Variants in ACYP1 observed in about 807,000 individuals in gnomAD.
ACYP1 encodes acylphosphatase-1.
Under a neutral mutation model 10.4 loss-of-function variants are expected in ACYP1, and 8 were observed. The observed-to-expected ratio is 0.77, with a 90% CI of 0.45 to 1.38. The LOEUF is 1.38. Ranked by LOEUF, ACYP1 falls within the 40% of genes most tolerant of loss-of-function variation. The pLI is 0.00. For missense variants in ACYP1, 93 were observed against 117.3 expected (o/e 0.79, Z 0.96); for synonymous variants, 38 against 40.8 (o/e 0.93, Z 0.26).
chr14:75,056,848 G>C (rs776708474), intron 2 of ACYP1, among the ~76,000 whole-genome samples: 1 of 151,472 alleles, frequency 6.6e-6, no homozygotes, highest in African/African-American at 2.4e-5. Flanking sequence ...CAACAAACTA[G>C]GAACAGAAGG....
chr14:75,064,074 T>A, upstream of ACYP1: 1 of 978,220 alleles, frequency 1.0e-6, no homozygotes, highest in Non-Finnish European at 1.2e-6. Context: ...TCGCTGTCGC[T>A]CATGCCCATC....
chr14:75,064,103 A>C, upstream of ACYP1: 1 of 923,356 alleles, frequency 1.1e-6, no homozygotes, highest in Non-Finnish European at 1.3e-6. Flanking sequence ...CTGACCAATC[A>C]GAGACGGCGC....
intron 2 of ACYP1, among the ~76,000 whole-genome samples, chr14:75,056,293 A>G (rs1892876095): frequency 6.6e-6 from 1 of 151,572 alleles, no homozygotes; most frequent in Non-Finnish European, 1.5e-5. Flanking sequence ...ACACTTCCCA[A>G]CACATTTTAT....
chr14:75,054,405 G>A (rs1892825928), intron 2 of ACYP1, among the ~76,000 whole-genome samples: 1 of 151,586 alleles, frequency 6.6e-6, no homozygotes, highest in African/African-American at 2.4e-5. Flanking sequence ...AATCATTACA[G>A]TGTCTTATCC....
exon 1 of ACYP1, chr14:75,069,397 TC>T (rs1893242784): frequency 1.1e-6 from 1 of 894,038 alleles, no homozygotes; most frequent in Admixed American, 3.8e-5. Context: ...TACAAGTTCT[TC>T]TTTGAAGGAG....
At chr14:75,058,144 G>T (rs987955039) in intron 2 of ACYP1, among the ~76,000 whole-genome samples, 1 of 150,560 alleles carries the variant, frequency 6.6e-6, no homozygotes, top group Non-Finnish European at 1.5e-5. Context: ...TGGGGTACCA[G>T]GCTCTTTTTA....
At chr14:75,061,007 CA>C in intron 2 of ACYP1, among the ~76,000 whole-genome samples, 1 of 152,070 alleles carries the variant, frequency 6.6e-6, no homozygotes, top group African/African-American at 2.4e-5. Flanking sequence ...GCAGAGGTTG[CA>C]GTGAGCCGAG....
rs558642702 is a variant in ACYP1 at position 75,056,427 on chromosome 14, T to C, written c.85-2768A>G. 7.8e-4 allele frequency among the ~76,000 whole-genome samples: 119 copies of C among 151,602 alleles called. 4 individuals carry two copies. Among genetic ancestry groups the C allele is most frequent in the African/African-American group, 2.6e-3 (107 of 41,016 alleles). ...TAACCTGGAAGGAATCTTTGAAACATGAATGTGAATTGTCAATACCTCTTT... is the reference window on the plus strand; with the variant it reads ...TAACCTGGAAGGAATCTTTGAAACACGAATGTGAATTGTCAATACCTCTTT... On this transcript the variant is annotated intron_variant, in intron 2 of 2. Transcript: ENST00000238618.
intron 2 of ACYP1, chr14:75,061,767 T>C: frequency 6.4e-7 from 1 of 1,569,370 alleles, no homozygotes; most frequent in Non-Finnish European, 8.7e-7. Flanking sequence ...CATTTCCTAT[T>C]TGAGTGTCAG....
intron 2 of ACYP1, among the ~76,000 whole-genome samples, chr14:75,056,178 T>C (rs147568735): frequency 6.6e-6 from 1 of 151,314 alleles, no homozygotes; most frequent in African/African-American, 2.4e-5. Context: ...GGGTAAATTC[T>C]ACCAAATGTT....
chr14:75,059,050 TA>T (rs1317468274), intron 2 of ACYP1, among the ~76,000 whole-genome samples: 19 of 149,208 alleles, frequency 1.3e-4, no homozygotes, highest in Non-Finnish European at 2.2e-4. Flanking sequence ...ATGCAAAAAT[TA>T]GTTGGGCGTG....
rs984656524 is a variant in ACYP1, at chr14:75,063,976, T to C, written c.-31A>G. On this transcript the variant is annotated 5_prime_UTR_variant, in exon 1 of 3. Transcript: ENST00000238618. Reference sequence around the variant, plus strand: ...CACCCTCCTTGTCTTCCCCACCGGCTGCCAGGATCACTCCGGGACCACCAC... The same window carrying C: ...CACCCTCCTTGTCTTCCCCACCGGCCGCCAGGATCACTCCGGGACCACCAC... 28 of 997,906 alleles carry C rather than the reference T, an allele frequency of 2.8e-5. No homozygotes were observed. The African/African-American group carries it at 4.5e-4, about 16-fold the overall frequency. The allele number at this position is 997,906 out of a possible 1,614,324, so 61.8% of individuals were successfully genotyped here. A position where few individuals can be genotyped will look rare whatever the true frequency, so the allele number is the denominator to read the frequency against.
chr14:75,058,642 ACATCT>A (rs1476693356), intron 2 of ACYP1, among the ~76,000 whole-genome samples: 2 of 151,386 alleles, frequency 1.3e-5, no homozygotes, highest in East Asian at 3.9e-4. Context: ...AAGGGGACAA[ACATCT>A]CAACTACAGC....
intron 2 of ACYP1, among the ~76,000 whole-genome samples, chr14:75,061,529 G>A (rs977538456): frequency 6.6e-6 from 1 of 152,194 alleles, no homozygotes; most frequent in Non-Finnish European, 1.5e-5. Context: ...ATCAATATTT[G>A]TTTTTCTGCA....
intron 2 of ACYP1, among the ~76,000 whole-genome samples, chr14:75,059,325 C>A (rs1329479504): frequency 6.6e-6 from 1 of 151,838 alleles, no homozygotes; most frequent in African/African-American, 2.4e-5. Flanking sequence ...TGGGGAAACC[C>A]AGTTGCTACA....
intron 2 of ACYP1, chr14:75,061,750 C>T (rs370386647): frequency 2.0e-5 from 32 of 1,583,862 alleles, no homozygotes; most frequent in Non-Finnish European, 2.7e-5. Flanking sequence ...ATTCTGTTTT[C>T]AACAGTCATT....
intron 2 of ACYP1, among the ~76,000 whole-genome samples, chr14:75,058,842 A>G (rs1334495407): frequency 6.6e-6 from 1 of 152,234 alleles, no homozygotes; most frequent in East Asian, 1.9e-4. Context: ...CTCACATCAC[A>G]TAAAAATTAA....
intron 2 of ACYP1, among the ~76,000 whole-genome samples, chr14:75,054,116 G>T (rs1382717360): frequency 6.6e-6 from 1 of 152,172 alleles, no homozygotes; most frequent in Non-Finnish European, 1.5e-5. Context: ...AACAAATCCA[G>T]ATGAATTAGT....
intron 2 of ACYP1, among the ~76,000 whole-genome samples, chr14:75,057,748 C>T (rs555622008): frequency 6.6e-6 from 1 of 150,418 alleles, no homozygotes; most frequent in South Asian, 2.1e-4. Flanking sequence ...GTGGGGGGAT[C>T]ATGAGGTCAG....
Sources: allele counts gnomAD v4.1 joint callset (sites outside exome capture counted in the v4.1 genomes callset), GRCh38; gene constraint gnomAD v4.1.1; transcripts MANE v1.5; gene names NCBI Gene and HGNC (gene_info 2026-07-23, HGNC 2026-07-21).